Variants in KCNT2 observed in about 807,000 individuals in gnomAD.
KCNT2 encodes potassium sodium-activated channel subfamily T member 2, also known as potassium channel subfamily T member 2.
Under a neutral mutation model 153.8 loss-of-function variants are expected in KCNT2, and 67 were observed. That is an observed-to-expected ratio of 0.44 (90% confidence interval 0.36 to 0.53). The LOEUF is 0.53. Among genes scored for constraint, KCNT2 ranks in the 20% least tolerant of loss-of-function variants. The pLI is 0.00. For missense variants in KCNT2, 975 were observed against 1,354.8 expected (o/e 0.72, Z 4.40); for synonymous variants, 500 against 458.8 (o/e 1.09, Z -1.15).
chr1:196,297,938 G>A (rs531938869), intron 22 of KCNT2, among the ~76,000 whole-genome samples: 71 of 152,216 alleles, frequency 4.7e-4, no homozygotes, highest in South Asian at 2.7e-3. Flanking sequence ...CATTTGGCTC[G>A]TAGTATGTGC....
At chr1:196,264,621 A>C (rs1035719836) in intron 25 of KCNT2, among the ~76,000 whole-genome samples, 1 of 151,716 alleles carries the variant, frequency 6.6e-6, no homozygotes, top group East Asian at 1.9e-4. Flanking sequence ...ATATTTTTTT[A>C]ATTTTAAAAA....
intron 8 of KCNT2, among the ~76,000 whole-genome samples, chr1:196,439,995 A>G (rs78230211): frequency 6.6e-6 from 1 of 151,926 alleles, no homozygotes; most frequent in Non-Finnish European, 1.5e-5. Context: ...ACCATGGCAC[A>G]TGTATACCTA....
At chr1:196,387,527 A>C (rs1670098781) in intron 13 of KCNT2, among the ~76,000 whole-genome samples, 2 of 151,868 alleles carry the variant, frequency 1.3e-5, no homozygotes, top group African/African-American at 4.8e-5. Context: ...TCTTGCTCAA[A>C]CCATCTTTCC....
chr1:196,401,698 C>A (rs1440459640), intron 12 of KCNT2, among the ~76,000 whole-genome samples: 1 of 151,438 alleles, frequency 6.6e-6, no homozygotes, highest in Non-Finnish European at 1.5e-5. Flanking sequence ...TTGTGTAACA[C>A]GGTAAAAAGG....
intron 21 of KCNT2, 94 bp downstream of exon 21, chr1:196,315,798 T>G: frequency 9.7e-7 from 1 of 1,026,522 alleles, no homozygotes; most frequent in South Asian, 2.0e-5. Flanking sequence ...AAAGTTGGTG[T>G]GTCTCATGTT....
Position 196,334,069 on chromosome 1 carries a change from A to T in KCNT2, c.1784-9T>A. Reference sequence around the variant, plus strand: ...GTCTATAGCCACAGTACCTAAAACAATAAAACATGAAAATTTATCAAGGCG... The same window carrying T: ...GTCTATAGCCACAGTACCTAAAACATTAAAACATGAAAATTTATCAAGGCG... On this transcript the variant is annotated splice_polypyrimidine_tract_variant and intron_variant, in intron 16 of 27. Transcript: ENST00000294725. 11 of 1,599,928 alleles carry T rather than the reference A, an allele frequency of 6.9e-6. No individual in the cohort carries two copies. Among genetic ancestry groups the T allele is most frequent in the Non-Finnish European group, 9.4e-6 (11 of 1,168,204 alleles).
At chr1:196,339,539 AG>A (rs1665400251) in intron 16 of KCNT2, among the ~76,000 whole-genome samples, 3 of 151,730 alleles carry the variant, frequency 2.0e-5, no homozygotes, top group Non-Finnish European at 4.4e-5. Flanking sequence ...AGAGAGAGAG[AG>A]AGAGAGAGAG....
At chr1:196,531,070 A>G (rs1462668726) in intron 1 of KCNT2, among the ~76,000 whole-genome samples, 6 of 152,240 alleles carry the variant, frequency 3.9e-5, no homozygotes, top group South Asian at 2.1e-4. Flanking sequence ...CACTGCCCGG[A>G]GATGAACAAC....
intron 1 of KCNT2, among the ~76,000 whole-genome samples, chr1:196,542,113 C>T (rs1051362955): frequency 2.6e-5 from 4 of 151,770 alleles, no homozygotes; most frequent in Non-Finnish European, 5.9e-5. Flanking sequence ...AGTTATATAA[C>T]AATATTTATC....
chr1:196,262,113 C>T (rs778387464), intron 25 of KCNT2, among the ~76,000 whole-genome samples: 4 of 151,706 alleles, frequency 2.6e-5, no homozygotes, highest in Non-Finnish European at 5.9e-5. Flanking sequence ...ATTTCTTATG[C>T]CTAAAATAGC....
At chr1:196,386,406 A>G (rs1039402264) in intron 13 of KCNT2, among the ~76,000 whole-genome samples, 3 of 152,134 alleles carry the variant, frequency 2.0e-5, no homozygotes, top group East Asian at 3.9e-4. Flanking sequence ...CGAAATTGCA[A>G]TGAGAACTGA....
chr1:196,480,141 C>T (rs998556835), intron 4 of KCNT2, among the ~76,000 whole-genome samples: 3 of 152,120 alleles, frequency 2.0e-5, no homozygotes, highest in Admixed American at 6.5e-5. Flanking sequence ...TAAAATTATT[C>T]TGTGTTAAAT....
chr1:196,520,002 C>A (rs1653136174), intron 1 of KCNT2, among the ~76,000 whole-genome samples: 1 of 151,362 alleles, frequency 6.6e-6, no homozygotes. Context: ...ACAACAACAG[C>A]AAAAAGAAAA....
chr1:196,285,381 T>C (rs1659560014), intron 23 of KCNT2, among the ~76,000 whole-genome samples: 2 of 152,176 alleles, frequency 1.3e-5, no homozygotes, highest in African/African-American at 4.8e-5. Context: ...CAAAATGTAC[T>C]AAAATGTATT....
chr1:196,537,280 A>C (rs1655712320), intron 1 of KCNT2, among the ~76,000 whole-genome samples: 2 of 152,204 alleles, frequency 1.3e-5, no homozygotes, highest in African/African-American at 2.4e-5. Context: ...GACCTGTGGC[A>C]ACACTGTGAA....
chr1:196,372,440 C>A (rs576288252), intron 14 of KCNT2, among the ~76,000 whole-genome samples: 1 of 151,810 alleles, frequency 6.6e-6, no homozygotes, highest in Admixed American at 6.6e-5. Flanking sequence ...AGAAATATGA[C>A]AAGATATGAA....
At chr1:196,255,665 A>G (rs1327255637) in intron 26 of KCNT2, among the ~76,000 whole-genome samples, 3 of 152,020 alleles carry the variant, frequency 2.0e-5, no homozygotes, top group Non-Finnish European at 3.0e-5. Context: ...AGTAAAGGAT[A>G]CTTAATCATT....
At chr1:196,236,587 C>G (rs1654463259) in intron 26 of KCNT2, among the ~76,000 whole-genome samples, 1 of 151,544 alleles carries the variant, frequency 6.6e-6, no homozygotes, top group South Asian at 2.1e-4. Flanking sequence ...TCTCATGTAA[C>G]TCATCCTAAT....
chr1:196,443,794 G>T lies in KCNT2; in HGVS notation c.639-14037C>A, dbSNP rs75645404. Among the ~76,000 whole-genome samples the T allele has an allele frequency of 0.015, 2,308 of 151,580 alleles. 96 individuals are homozygous for T. The East Asian group carries it at 0.16, about 10-fold the overall frequency. On this transcript the variant is annotated intron_variant, in intron 8 of 27. Transcript: ENST00000294725. ...AATTCATCTTATGTTAATTTGAAAG[G>T]ATTTGGGCACAGAACTATTGACACT...
Sources: gnomAD v4.1 joint callset for allele counts (sites outside exome capture counted in the v4.1 genomes callset) on GRCh38, gnomAD v4.1.1 for gene constraint, MANE v1.5 for transcripts, NCBI Gene and HGNC (gene_info 2026-07-23, HGNC 2026-07-21) for gene names.